UBXN8: variants seen among roughly 807,000 people sequenced by gnomAD.
The protein encoded by UBXN8 is UBX domain-containing protein 8.
UBXN8 carries 27 observed loss-of-function variants against 32.1 expected under a neutral mutation model. The ratio of observed to expected loss-of-function variants is 0.84; its 90% CI spans 0.62 to 1.16. The LOEUF is 1.16. Ranked by LOEUF, UBXN8 falls within the 50% of genes most tolerant of loss-of-function variation. UBXN8 has a pLI of 0.00. For missense variants in UBXN8, 306 were observed against 311.4 expected (o/e 0.98, Z 0.13); for synonymous variants, 109 against 111.8 (o/e 0.98, Z 0.16).
chr8:30,755,760 G>GAAAAAAAAAAAAAAA (rs34287599), intron 4 of UBXN8, among the ~76,000 whole-genome samples: 1 of 88,920 alleles, frequency 1.1e-5, no homozygotes. Flanking sequence ...CCTTTCTCCA[G>GAAAAAAAAAAAAAAA]AAAAAAAAAA....
intron 3 of UBXN8, 56 bp downstream of exon 3, chr8:30,753,161 C>A: frequency 7.0e-7 from 1 of 1,418,458 alleles, no homozygotes; most frequent in Non-Finnish European, 9.2e-7. Flanking sequence ...ATCTCTGAGG[C>A]AATTAAAATT....
chr8:30,743,075 A>G (rs1224661533), upstream of UBXN8, among the ~76,000 whole-genome samples: 1 of 152,126 alleles, frequency 6.6e-6, no homozygotes, highest in Non-Finnish European at 1.5e-5. Context: ...GGTCAGGAAA[A>G]AGAATTTTCT....
At chr8:30,762,876 C>CT (rs57351368) in intron 6 of UBXN8, among the ~76,000 whole-genome samples, 11 of 151,366 alleles carry the variant, frequency 7.3e-5, no homozygotes, top group African/African-American at 2.7e-4. Flanking sequence ...TTTATAATGT[C>CT]TTTTTTTTTT....
At chr8:30,735,665 C>G (rs1037705904) in intron 1 of UBXN8, among the ~76,000 whole-genome samples, 4 of 152,154 alleles carry the variant, frequency 2.6e-5, no homozygotes, top group African/African-American at 4.8e-5. Flanking sequence ...ATGGTGAAAC[C>G]CTGTCTCTAC....
At chr8:30,744,110 C>T (rs1302070246), upstream of UBXN8, 4 of 1,389,538 alleles carry the variant, frequency 2.9e-6, no homozygotes, top group Non-Finnish European at 4.0e-6. Flanking sequence ...CGGCCCGCGG[C>T]AAGAAGAGTT....
intron 2 of UBXN8, among the ~76,000 whole-genome samples, chr8:30,752,657 T>A (rs1430936693): frequency 6.6e-6 from 1 of 152,166 alleles, no homozygotes; most frequent in Non-Finnish European, 1.5e-5. Context: ...AGAAGCCTTT[T>A]AAAATAATAT....
chr8:30,748,435 A>C (rs183041754), intron 1 of UBXN8, among the ~76,000 whole-genome samples: 2,532 of 151,446 alleles, frequency 0.017, 34 homozygotes, highest in South Asian at 0.024. Flanking sequence ...GCTGCACTCC[A>C]GCCTGGGCAA....
intron 1 of UBXN8, among the ~76,000 whole-genome samples, chr8:30,745,812 G>A (rs1454505176): frequency 1.3e-5 from 2 of 152,110 alleles, no homozygotes; most frequent in Non-Finnish European, 2.9e-5. Context: ...GCAGTGGCAC[G>A]GTCATGGCTT....
In UBXN8 at chr8:30,766,468, T is replaced by G; in HGVS notation, c.*74T>G. ...CTTCTGGCACAATAAAGGCTTCACTTTCAAATCACACTATACCTTGATTGA... is the reference window on the plus strand; with the variant it reads ...CTTCTGGCACAATAAAGGCTTCACTGTCAAATCACACTATACCTTGATTGA... On this transcript the variant is annotated 3_prime_UTR_variant, in exon 8 of 8. Transcript: ENST00000265616. 1 of 1,418,278 alleles carries G rather than the reference T, an allele frequency of 7.1e-7. No homozygotes were observed. The highest frequency in any genetic ancestry group is 9.3e-7 in the Non-Finnish European group (1 of 1,071,636). 87.9% of individuals were successfully genotyped at this position (1,418,278 alleles called of 1,614,324 possible).
Position 30,756,762 on chromosome 8 carries a change from C to T in UBXN8, c.406-3C>T, listed in dbSNP as rs775829549. 145 of 1,613,586 alleles carry T rather than the reference C, an allele frequency of 9.0e-5. No homozygotes were observed. Among genetic ancestry groups the T allele is most frequent in the Non-Finnish European group, 1.1e-4 (133 of 1,179,748 alleles). On this transcript the variant is annotated splice_polypyrimidine_tract_variant and splice_region_variant and intron_variant, in intron 4 of 7. Transcript: ENST00000265616. ...TTAGAAATTGTCTGTTGTGTTTGACCAGGGTGATGAAGGTACAAGTCAGAC... is the reference window on the plus strand; with the variant it reads ...TTAGAAATTGTCTGTTGTGTTTGACTAGGGTGATGAAGGTACAAGTCAGAC...
intron 1 of UBXN8, among the ~76,000 whole-genome samples, chr8:30,736,442 G>T (rs953978100): frequency 5.9e-5 from 9 of 152,018 alleles, no homozygotes; most frequent in Non-Finnish European, 1.3e-4. Context: ...ATAAATATGT[G>T]GTATTGTTTC....
upstream of UBXN8, among the ~76,000 whole-genome samples, chr8:30,743,689 C>G (rs1294675158): frequency 6.6e-6 from 1 of 152,220 alleles, no homozygotes; most frequent in African/African-American, 2.4e-5. Context: ...CCAGGCCCCA[C>G]TTTCGAGTTG....
intron 3 of UBXN8, among the ~76,000 whole-genome samples, chr8:30,754,060 T>A (rs562276067): frequency 6.6e-6 from 1 of 152,146 alleles, no homozygotes; most frequent in African/African-American, 2.4e-5. Context: ...GCCAACAAGG[T>A]GAAACCCTGT....
At chr8:30,745,538 A>T (rs1051504751) in intron 1 of UBXN8, among the ~76,000 whole-genome samples, 7 of 152,192 alleles carry the variant, frequency 4.6e-5, no homozygotes, top group Admixed American at 4.6e-4. Context: ...GCTCACAAGG[A>T]GTCAGATGCC....
chr8:30,730,427 G>T (rs2128751265), upstream of UBXN8, among the ~76,000 whole-genome samples: 1 of 152,254 alleles, frequency 6.6e-6, no homozygotes, highest in Non-Finnish European at 1.5e-5. Context: ...GCCACCAGTT[G>T]CTCATGTTCC....
upstream of UBXN8, among the ~76,000 whole-genome samples, chr8:30,731,814 C>T (rs544894860): frequency 3.9e-5 from 6 of 152,042 alleles, no homozygotes; most frequent in South Asian, 1.2e-3. Flanking sequence ...ATCTCAAGCA[C>T]CTAAGAACCT....
At chr8:30,754,468 A>G in intron 3 of UBXN8, 197 bp from the exon 4 acceptor site, 2 of 673,430 alleles carry the variant, frequency 3.0e-6, no homozygotes, top group Admixed American at 2.2e-5. Flanking sequence ...CAGGCAGGTC[A>G]AAAACAAATG....
At chr8:30,759,862 C>G (rs1339457146) in intron 5 of UBXN8, among the ~76,000 whole-genome samples, 1 of 151,318 alleles carries the variant, frequency 6.6e-6, no homozygotes, top group African/African-American at 2.4e-5. Flanking sequence ...GAGGCTGAGA[C>G]AGGAGAATGG....
intron 5 of UBXN8, among the ~76,000 whole-genome samples, chr8:30,758,872 GT>G (rs1359905813): frequency 1.0e-5 from 1 of 100,456 alleles, no homozygotes; most frequent in Admixed American, 9.7e-5. Context: ...GGTAACAAAT[GT>G]TTTTTTTGTT....
Sources: allele counts gnomAD v4.1 joint callset (sites outside exome capture counted in the v4.1 genomes callset), GRCh38; gene constraint gnomAD v4.1.1; transcripts MANE v1.5; gene names NCBI Gene and HGNC (gene_info 2026-07-23, HGNC 2026-07-21).